Variants in SSUH2 observed in about 807,000 individuals in gnomAD.
SSUH2 encodes the protein protein SSUH2 homolog.
A neutral mutation model predicts 55.3 loss-of-function variants in SSUH2; 47 were observed. That is an observed-to-expected ratio of 0.85 (90% CI 0.67 to 1.08). The LOEUF (loss-of-function observed/expected upper bound fraction) is 1.08. SSUH2 is among the 50% of genes least tolerant of loss of function. SSUH2 has a pLI of 0.00. For synonymous variants in SSUH2, 212 were observed against 191.5 expected, an observed-to-expected ratio of 1.11 and a Z score of -0.89; for missense variants, 535 against 490.7, an observed-to-expected ratio of 1.09 and a Z score of -0.85.
In SSUH2 at chr3:8,660,606, C is replaced by T. The variant is rs1021493294; in HGVS notation, c.-395-1593G>A. Among the ~76,000 whole-genome samples, 8 of 152,282 alleles carry T rather than the reference C, an allele frequency of 5.3e-5. No individual in the cohort carries two copies. The East Asian group carries it at 1.5e-3, about 29-fold the overall frequency. ...GACAAATTCCTTTATTGTTACTGCT[C>T]CTTTCCCTGGCTTCTTAAGTACAGC... On this transcript the variant is annotated intron_variant, in intron 6 of 18. Coordinates refer to the SSUH2 transcript ENST00000317371.
intron 3 of SSUH2, among the ~76,000 whole-genome samples, chr3:8,676,316 G>A (rs1705258025): frequency 6.6e-6 from 1 of 151,994 alleles, no homozygotes; most frequent in Non-Finnish European, 1.5e-5. Flanking sequence ...TACTCCCTGC[G>A]ATATCGCGTG....
rs941286696 is a variant in SSUH2 at position 8,633,804 on chromosome 3, G to T, written c.210-9C>A. On this transcript the variant is annotated splice_polypyrimidine_tract_variant and intron_variant, in intron 3 of 11. Coordinates refer to ENST00000544814, the MANE Select transcript of SSUH2 (RefSeq NM_001256748.3). ...CCGTCATCGCAGGGACTCTGCAGGG[G>T]ACCGAACAGAGAGGCGGGGGCTTCT... 3 of 1,613,654 alleles carry T rather than the reference G, an allele frequency of 1.9e-6. No individual in the cohort carries two copies. Among genetic ancestry groups the T allele is most frequent in the African/African-American group, 1.3e-5 (1 of 74,940 alleles).
intron 6 of SSUH2, chr3:8,659,824 T>C (rs1054479970): frequency 1.1e-5 from 5 of 455,540 alleles, no homozygotes; most frequent in African/African-American, 1.0e-4. Context: ...GAGAGAGAGA[T>C]AGAGAAGGAG....
chr3:8,636,458 C>T (rs868468243), intron 1 of SSUH2, among the ~76,000 whole-genome samples: 5 of 152,226 alleles, frequency 3.3e-5, no homozygotes, highest in African/African-American at 1.2e-4. Context: ...CCCTAATCAA[C>T]ACCACGTGGA....
chr3:8,673,114 TATTA>T (rs1293654442), intron 3 of SSUH2, among the ~76,000 whole-genome samples: 5 of 152,140 alleles, frequency 3.3e-5, no homozygotes, highest in East Asian at 1.9e-4. Flanking sequence ...TTAATATTAA[TATTA>T]ATTATTACAA....
At chr3:8,644,886 G>A (rs1055511581), upstream of SSUH2, 11 of 783,228 alleles carry the variant, frequency 1.4e-5, no homozygotes, top group Admixed American at 2.2e-4. Flanking sequence ...ATACAACAAA[G>A]GGAAACATCT....
At position 8,678,893 on chromosome 3, in the gene SSUH2, G is replaced by T. The variant is rs559787698; in HGVS notation, c.-901+812C>A. ...GGCTCTTAGGATCCCCATTGCAAGG[G>T]AGGGAGGCACCCCCCGCCAGGCGGG... On this transcript the variant is annotated intron_variant, in intron 2 of 18. Transcript: ENST00000317371. Among the ~76,000 whole-genome samples, 5 of 116,518 alleles carry T rather than the reference G, an allele frequency of 4.3e-5. 1 individual carries two copies. Among genetic ancestry groups the T allele is most frequent in the Non-Finnish European group, 5.9e-5 (3 of 50,556 alleles). 76.4% of individuals were successfully genotyped at this position (116,518 alleles called of 152,430 possible).
intron 1 of SSUH2, among the ~76,000 whole-genome samples, chr3:8,637,670 G>A (rs1484453326): frequency 6.6e-6 from 1 of 152,166 alleles, no homozygotes; most frequent in African/African-American, 2.4e-5. Context: ...CTCACACTGG[G>A]AGACAAGAAT....
chr3:8,680,745 G>C (rs1232387548), intron 1 of SSUH2, among the ~76,000 whole-genome samples: 4 of 151,966 alleles, frequency 2.6e-5, no homozygotes, highest in Non-Finnish European at 4.4e-5. Context: ...TCTCACACAG[G>C]GGTGTATACT....
rs182498654 is a variant in SSUH2 at position 8,641,007 on chromosome 3, T to C, written c.28+3724A>G. ...GGCTTCCCAGAGGTGCCCTGTGGCT[T>C]CATGATACAGACATTTGTACTCACC... On this transcript the variant is annotated intron_variant, in intron 1 of 11. Coordinates refer to ENST00000544814, the MANE Select transcript of SSUH2 (RefSeq NM_001256748.3). 1.6e-3 allele frequency among the ~76,000 whole-genome samples: 247 copies of C among 152,324 alleles called. 1 individual carries two copies. Among genetic ancestry groups the C allele is most frequent in the African/African-American group, 5.8e-3 (240 of 41,558 alleles).
At chr3:8,632,215 A>C (rs1698936896) in intron 4 of SSUH2, 106 bp from the exon 5 acceptor site, 2 of 913,644 alleles carry the variant, frequency 2.2e-6, no homozygotes, top group Admixed American at 1.9e-5. Context: ...GGGGAAACTG[A>C]GAGGTCCATG....
At chr3:8,676,394 A>G (rs1705272260) in intron 3 of SSUH2, among the ~76,000 whole-genome samples, 1 of 151,382 alleles carries the variant, frequency 6.6e-6, no homozygotes, top group Non-Finnish European at 1.5e-5. Flanking sequence ...CTTCTGTCAT[A>G]TTGAAAGTAA....
At chr3:8,622,992 A>G (rs1696747485) in intron 11 of SSUH2, among the ~76,000 whole-genome samples, 2 of 152,208 alleles carry the variant, frequency 1.3e-5, no homozygotes, top group African/African-American at 2.4e-5. Context: ...AAAGCACATT[A>G]TCAGGCCAAC....
At position 8,681,501 on chromosome 3, in the gene SSUH2, G is replaced by A. The variant is rs534450512; in HGVS notation, c.-1046+390C>T. On this transcript the variant is annotated intron_variant, in intron 1 of 18. Transcript: ENST00000317371. The stretch of plus-strand genomic sequence containing the variant: ...AGGGGGGAGGCAGCCCCCACGAGGC[G>A]GGGACTGAGAGCCAGTCCGTCTTCC... 1.9e-3 allele frequency among the ~76,000 whole-genome samples: 282 copies of A among 148,306 alleles called. 2 individuals carry two copies. Among genetic ancestry groups the A allele is most frequent in the African/African-American group, 6.3e-3 (251 of 40,124 alleles).
At chr3:8,629,050 G>A (rs1025486945) in intron 7 of SSUH2, among the ~76,000 whole-genome samples, 3 of 152,000 alleles carry the variant, frequency 2.0e-5, no homozygotes, top group East Asian at 1.9e-4. Flanking sequence ...TAGTAGAGAC[G>A]GGGTTTCACC....
chr3:8,673,830 T>C (rs569877228), intron 3 of SSUH2, among the ~76,000 whole-genome samples: 1 of 152,192 alleles, frequency 6.6e-6, no homozygotes, highest in East Asian at 1.9e-4. Flanking sequence ...CTTGGAAGCA[T>C]TAAAGACGGG....
intron 1 of SSUH2, among the ~76,000 whole-genome samples, chr3:8,681,490 C>T (rs1328133007): frequency 6.7e-6 from 1 of 148,936 alleles, no homozygotes; most frequent in African/African-American, 2.5e-5. Context: ...GGGAGGCAGC[C>T]CCCACGAGGC....
chr3:8,627,280 ACTC>A (rs1277739496), intron 8 of SSUH2: 4 of 167,560 alleles, frequency 2.4e-5, no homozygotes, highest in Non-Finnish European at 3.8e-5. Context: ...ACTTTCCTTG[ACTC>A]CTCCTCCATT....
chr3:8,651,038 C>T (rs549506301), intron 7 of SSUH2, among the ~76,000 whole-genome samples: 8 of 152,348 alleles, frequency 5.3e-5, no homozygotes, highest in South Asian at 2.1e-4. Context: ...AGCAATTGCA[C>T]GCATTTTGCA....
Sources: gnomAD v4.1 joint callset for allele counts (sites outside exome capture counted in the v4.1 genomes callset) on GRCh38, gnomAD v4.1.1 for gene constraint, MANE v1.5 for transcripts, NCBI Gene and HGNC (gene_info 2026-07-23, HGNC 2026-07-21) for gene names.